The following FOXJ3 variants were observed in gnomAD, a reference collection of about 807,000 sequenced individuals.
The protein encoded by FOXJ3 is forkhead box J3.
Under a neutral mutation model 76.1 loss-of-function variants are expected in FOXJ3, and 22 were observed. The observed-to-expected ratio is 0.29, with a 90% CI of 0.21 to 0.41. FOXJ3 has a LOEUF of 0.41. FOXJ3 is among the 10% of genes least tolerant of loss of function. FOXJ3 has a pLI of 1.00. For synonymous variants in FOXJ3, 269 were observed against 261.2 expected (o/e 1.03, Z -0.29); for missense variants, 613 against 762.1 (o/e 0.80, Z 2.30).
intron 3 of FOXJ3, among the ~76,000 whole-genome samples, chr1:42,277,556 G>A (rs1652369003): frequency 1.7e-5 from 1 of 58,874 alleles, no homozygotes. Flanking sequence ...CCAGCACTTT[G>A]GGAGGCCGAG....
intron 7 of FOXJ3, among the ~76,000 whole-genome samples, chr1:42,197,647 G>A (rs1646677137): frequency 6.6e-6 from 1 of 150,766 alleles, no homozygotes; most frequent in Non-Finnish European, 1.5e-5. Context: ...AATGTAAACA[G>A]TTGTTAAACT....
intron 4 of FOXJ3, among the ~76,000 whole-genome samples, chr1:42,261,180 A>G (rs1043718378): frequency 1.3e-5 from 2 of 152,070 alleles, no homozygotes; most frequent in Non-Finnish European, 2.9e-5. Context: ...GAATTACACA[A>G]TAAGACTTAT....
chr1:42,317,104 C>G (rs1027795206), intron 1 of FOXJ3, among the ~76,000 whole-genome samples: 17 of 152,108 alleles, frequency 1.1e-4, no homozygotes, highest in Middle Eastern at 3.4e-3. Flanking sequence ...GAAGCTATTC[C>G]CTTTTTTTGC....
chr1:42,330,427 C>T (rs1197322513), intron 1 of FOXJ3, among the ~76,000 whole-genome samples: 1 of 152,080 alleles, frequency 6.6e-6, no homozygotes. Flanking sequence ...CACTTGAGCC[C>T]GGGAGTTAGC....
intron 3 of FOXJ3, among the ~76,000 whole-genome samples, chr1:42,273,696 T>A (rs59523647): frequency 0.025 from 2,190 of 88,832 alleles, 54 homozygotes; most frequent in African/African-American, 0.078. Flanking sequence ...AAAAAAAAAA[T>A]TGCAGAAAAG....
At chr1:42,180,925 C>T (rs572021616) in intron 12 of FOXJ3, among the ~76,000 whole-genome samples, 8 of 152,300 alleles carry the variant, frequency 5.3e-5, no homozygotes, top group Middle Eastern at 3.4e-3. Flanking sequence ...AATCTGGCTC[C>T]AGAGCCTTAC....
intron 1 of FOXJ3, among the ~76,000 whole-genome samples, chr1:42,331,028 G>T (rs950043243): frequency 6.6e-6 from 1 of 152,142 alleles, no homozygotes; most frequent in Non-Finnish European, 1.5e-5. Context: ...TCTAAAAGAA[G>T]GCCATGTGAG....
At chr1:42,310,623 T>C (rs1654748805) in intron 2 of FOXJ3, among the ~76,000 whole-genome samples, 4 of 151,816 alleles carry the variant, frequency 2.6e-5, no homozygotes, top group Admixed American at 2.6e-4. Flanking sequence ...AATTATTTTG[T>C]ATTTTTAATA....
chr1:42,323,768 A>C, intron 1 of FOXJ3: 1 of 734,350 alleles, frequency 1.4e-6, no homozygotes, highest in Non-Finnish European at 1.7e-6. Context: ...CCTTCAAATA[A>C]TTGAAGGATT....
At chr1:42,207,207 C>T (rs2124331857) in intron 5 of FOXJ3, among the ~76,000 whole-genome samples, 1 of 152,260 alleles carries the variant, frequency 6.6e-6, no homozygotes, top group Admixed American at 6.5e-5. Context: ...CCTTCCTGGC[C>T]TCTGATAATC....
Position 42,205,828 on chromosome 1 carries a change from C to A in FOXJ3, c.564G>T (p.Leu188Phe), listed in dbSNP as rs1407816948. Residue 188 changes from leucine (L) to phenylalanine (F), a missense_variant, in exon 6 of 13, where the codon TTG becomes TTT. This residue lies in a region of FOXJ3 where 526 missense variants were observed against 601.4 expected (regional missense o/e 0.87). Coordinates refer to ENST00000361346, the MANE Select transcript of FOXJ3 (RefSeq NM_014947.5). ...TTCCCGAAATAATACACTCCATTCC[C>A]AAAGAATCTGAATCTATGCTATATG... ...STPYSIDSDSLGMECIISGSA... is the reference protein window; with the variant it reads ...STPYSIDSDSFGMECIISGSA... 6.2e-7 allele frequency: 1 copy of A among 1,611,586 alleles called. No individual in the cohort carries two copies. The highest frequency in any genetic ancestry group is 8.5e-7 in the Non-Finnish European group (1 of 1,177,848).
chr1:42,206,543 C>T (rs1646865373), intron 5 of FOXJ3, among the ~76,000 whole-genome samples: 2 of 152,116 alleles, frequency 1.3e-5, no homozygotes, highest in African/African-American at 4.8e-5. Flanking sequence ...GGGCTTCTAC[C>T]TGACAGAGAA....
chr1:42,222,723 A>G (rs1647265964), intron 5 of FOXJ3, among the ~76,000 whole-genome samples: 1 of 152,130 alleles, frequency 6.6e-6, no homozygotes, highest in Non-Finnish European at 1.5e-5. Context: ...GTTTACTCCT[A>G]CCTTTCTCAC....
rs150102558 is a variant in FOXJ3, at chr1:42,263,593, T to A, written c.444+1522A>T. ...GAGAAACAATTTCTTACAAGACTAT[T>A]ATAATAATCTGTTCAATCTTACTGA... On this transcript the variant is annotated intron_variant, in intron 4 of 12. Transcript: ENST00000361346. Among the ~76,000 whole-genome samples, 661 of 152,278 alleles carry A rather than the reference T, an allele frequency of 4.3e-3. 9 individuals carry two copies. Among genetic ancestry groups the A allele is most frequent in the African/African-American group, 0.015 (638 of 41,556 alleles).
At chr1:42,304,978 T>C (rs1375116085) in intron 2 of FOXJ3, among the ~76,000 whole-genome samples, 1 of 152,094 alleles carries the variant, frequency 6.6e-6, no homozygotes, top group Non-Finnish European at 1.5e-5. Context: ...GCTGAAAATA[T>C]CTGCAAACTA....
intron 4 of FOXJ3, among the ~76,000 whole-genome samples, chr1:42,234,864 G>GGA (rs1391333108): frequency 1.3e-5 from 2 of 152,214 alleles, no homozygotes; most frequent in Non-Finnish European, 2.9e-5. Context: ...CTACAATTGA[G>GGA]GAGGCTGTCT....
intron 4 of FOXJ3, among the ~76,000 whole-genome samples, chr1:42,249,814 T>C (rs1292226208): frequency 2.6e-5 from 4 of 152,130 alleles, no homozygotes; most frequent in Admixed American, 2.6e-4. Flanking sequence ...GGAGCTATAA[T>C]AGTGAAATTC....
At chr1:42,239,841 A>AT (rs1373961880) in intron 4 of FOXJ3, among the ~76,000 whole-genome samples, 7 of 152,120 alleles carry the variant, frequency 4.6e-5, no homozygotes, top group East Asian at 1.9e-4. Context: ...CAACTATTTC[A>AT]TTTTTTTATC....
At chr1:42,305,837 T>A (rs1654425771) in intron 2 of FOXJ3, among the ~76,000 whole-genome samples, 1 of 152,220 alleles carries the variant, frequency 6.6e-6, no homozygotes, top group African/African-American at 2.4e-5. Context: ...AATTTAATTG[T>A]ACATTTTTAA....
Sources: allele counts gnomAD v4.1 joint callset (sites outside exome capture counted in the v4.1 genomes callset), GRCh38; gene constraint gnomAD v4.1.1; regional missense constraint gnomAD v4.1.1; transcripts MANE v1.5; gene names NCBI Gene and HGNC (gene_info 2026-07-23, HGNC 2026-07-21).